The following ERMARD variants were observed in gnomAD, a reference collection of about 807,000 sequenced individuals.
ERMARD encodes ER membrane associated RNA degradation, also known as endoplasmic reticulum membrane-associated RNA degradation protein.
ERMARD carries 71 observed loss-of-function variants against 83.9 expected under a neutral mutation model. That is an observed-to-expected ratio of 0.85 (90% CI 0.70 to 1.03). The LOEUF (loss-of-function observed/expected upper bound fraction) is 1.03. Among genes scored for constraint, ERMARD ranks in the 50% least tolerant of loss-of-function variants. The probability of loss-of-function intolerance (pLI) is 0.00; values close to 1 mark genes in which losing one functional copy is unlikely to be tolerated. For missense variants in ERMARD, 838 were observed against 810.9 expected (o/e 1.03, Z -0.41); for synonymous variants, 284 against 298.6 (o/e 0.95, Z 0.50).
At position 169,760,684 on chromosome 6, in the gene ERMARD, T is replaced by G. The variant is rs768368057; in HGVS notation, c.785T>G (p.Met262Arg). The change falls in exon 8 of 18, where the codon ATG becomes AGG. Residue 262 changes from methionine to arginine, a missense_variant. Coordinates refer to ENST00000366773, the MANE Select transcript of ERMARD (RefSeq NM_018341.3). Reference protein sequence around the residue: ...EVLSVLEEVMMKSAFILKIML... With the variant: ...EVLSVLEEVMRKSAFILKIML... ...CTTTCAGTATTAGAAGAAGTGATGATGAAATCTGCTTTTATATTAAAAATC... is the reference window on the plus strand; with the variant it reads ...CTTTCAGTATTAGAAGAAGTGATGAGGAAATCTGCTTTTATATTAAAAATC... The G allele has an allele frequency of 1.2e-6, 2 of 1,613,846 alleles. No individual in the cohort carries two copies. The highest frequency in any genetic ancestry group is 1.7e-6 in the Non-Finnish European group (2 of 1,179,856).
Position 169,768,167 on chromosome 6 carries a change from C to T in ERMARD, c.1055C>T (p.Ala352Val). The T allele has an allele frequency of 6.2e-7, 1 of 1,613,566 alleles. No homozygotes were observed. Among genetic ancestry groups the T allele is most frequent in the South Asian group, 1.1e-5 (1 of 91,062 alleles). ...CTTCCTCTTTTCCTTGGAGAGCCTG[C>T]TATGGTAAGTATTAGGTATTTTCCA... is the stretch of plus-strand genomic sequence containing the variant. ...NQLPLFLGEP[A>V]MEFLWDFLNH... Residue 352 changes from alanine (A) to valine (V), a missense_variant, in exon 11 of 18, where the codon GCT (alanine) becomes GTT (valine). Physicochemically the swap from Ala to Val is moderately conservative, Grantham distance 64. Coordinates refer to ENST00000366773, the MANE Select transcript of ERMARD (RefSeq NM_018341.3).
At chr6:169,772,509 T>C (rs1793067257) in intron 12 of ERMARD, among the ~76,000 whole-genome samples, 1 of 152,148 alleles carries the variant, frequency 6.6e-6, no homozygotes, top group South Asian at 2.1e-4. Flanking sequence ...CTCACGCCTG[T>C]AATCCCAGCA....
At chr6:169,774,615 C>T (rs760838798) in intron 13 of ERMARD, among the ~76,000 whole-genome samples, 1 of 152,192 alleles carries the variant, frequency 6.6e-6, no homozygotes, top group Non-Finnish European at 1.5e-5. Context: ...GCTTTGCATC[C>T]TGGGCTTCCG....
chr6:169,754,891 C>T lies in ERMARD; in HGVS notation c.176-392C>T, dbSNP rs367589493. Among the ~76,000 whole-genome samples the T allele has an allele frequency of 2.8e-4, 42 of 151,536 alleles. No individual in the cohort carries two copies. The South Asian group carries it at 4.2e-3, about 15-fold the overall frequency. On this transcript the variant is annotated intron_variant, in intron 2 of 17. Transcript: ENST00000366773. ...AGAAATCTCAGCCTAATAACGTTAA[C>T]GTAAAAAAATCAGGTTACAAAATTG...
Position 169,756,806 on chromosome 6 carries a change from G to C in ERMARD, c.505G>C (p.Val169Leu), listed in dbSNP as rs781429204. 6.2e-7 allele frequency: 1 copy of C among 1,613,798 alleles called. No individual in the cohort carries two copies. The highest frequency in any genetic ancestry group is 8.5e-7 in the Non-Finnish European group (1 of 1,179,890). Residue 169 changes from valine (V) to leucine (L), a missense_variant and splice_region_variant, in exon 5 of 18, where the codon GTG becomes CTG. Transcript: ENST00000366773. ...EELAQVFSQS[V>L]MNVLKVFVGS... ...GCTTGCTCAAGTCTTCAGTCAGTCT[G>C]TGGTAAGCTTGTTCATCTAAACTCA...
intron 15 of ERMARD, 99 bp downstream of exon 15, chr6:169,776,164 T>C (rs1793569505): frequency 6.4e-7 from 1 of 1,558,732 alleles, no homozygotes; most frequent in Admixed American, 1.8e-5. Flanking sequence ...ATAAACTTGG[T>C]AGTAGTCTTA....
rs78586246 is a variant in ERMARD at position 169,755,612 on chromosome 6, G to A, written c.315+190G>A. ...GCCTGAGCTGAGAAACATGCCCCTT[G>A]GAACACAGGAAGGTTTTGAATTCAT... On this transcript the variant is annotated intron_variant, in intron 3 of 17. Transcript: ENST00000366773. 483 of 618,802 alleles carry A rather than the reference G, an allele frequency of 7.8e-4. 2 individuals carry two copies. In the African/African-American group the frequency reaches 7.9e-3, roughly 10 times the overall value. The allele number at this position is 618,802 out of a possible 1,614,324, so 38.3% of individuals were successfully genotyped here.
intron 4 of ERMARD, 102 bp from the exon 5 acceptor site, chr6:169,756,617 C>G: frequency 1.8e-6 from 2 of 1,090,804 alleles, no homozygotes; most frequent in Non-Finnish European, 1.4e-6. Flanking sequence ...TGTCTAAGTA[C>G]TTTTCACCCT....
rs1252873149 is a variant in ERMARD at position 169,775,336 on chromosome 6, C to G, written c.1384C>G (p.Gln462Glu). The change falls in exon 14 of 18, where the codon CAA becomes GAA. Residue 462 changes from glutamine (Q) to glutamate (E), a missense_variant. Transcript: ENST00000366773. ...GCCTTTCCCCGAAGAACTCACTCGGCAAGCCGTCAGGTGCGTGGCATCCTG... is the reference window on the plus strand; with the variant it reads ...GCCTTTCCCCGAAGAACTCACTCGGGAAGCCGTCAGGTGCGTGGCATCCTG... ...LLPFPEELTRQAVRLEDNSET... is the reference protein window; with the variant it reads ...LLPFPEELTREAVRLEDNSET... 2 of 1,613,994 alleles carry G rather than the reference C, an allele frequency of 1.2e-6. No individual in the cohort carries two copies. The highest frequency in any genetic ancestry group is 4.5e-5 in the East Asian group (2 of 44,896).
intron 13 of ERMARD, among the ~76,000 whole-genome samples, chr6:169,774,451 A>G (rs1793347188): frequency 6.6e-6 from 1 of 152,146 alleles, no homozygotes; most frequent in Non-Finnish European, 1.5e-5. Flanking sequence ...AGGAGGGAAG[A>G]TTTAGGAAGG....
At chr6:169,768,534 GAT>G (rs1212692610) in intron 11 of ERMARD, among the ~76,000 whole-genome samples, 2 of 152,150 alleles carry the variant, frequency 1.3e-5, no homozygotes, top group Non-Finnish European at 2.9e-5. Context: ...AAGGCGGGCA[GAT>G]CACAAGGTCA....
rs553210171 is a variant in ERMARD, at chr6:169,751,965, G to C, written c.6+302G>C. On this transcript the variant is annotated intron_variant, in intron 1 of 17. Coordinates refer to ENST00000366773, the MANE Select transcript of ERMARD (RefSeq NM_018341.3). ...CAGGGAGGGCTGTGCGCGGTGGCGC[G>C]GGGGCGGAAAGCCGCAGGTCGGGCT... 67 of 433,276 alleles carry C rather than the reference G, an allele frequency of 1.5e-4. 2 individuals carry two copies. The South Asian group carries it at 3.3e-3, about 21-fold the overall frequency. The allele number at this position is 433,276 out of a possible 1,614,324, so 26.8% of individuals were successfully genotyped here. A position where few individuals can be genotyped will look rare whatever the true frequency, so the allele number is the denominator to read the frequency against.
chr6:169,761,890 T>G (rs952521262), intron 8 of ERMARD, among the ~76,000 whole-genome samples: 2 of 152,006 alleles, frequency 1.3e-5, no homozygotes, highest in East Asian at 3.9e-4. Context: ...GTCACATTGG[T>G]CAGGCTGGTC....
Position 169,776,033 on chromosome 6 carries a change from G to A in ERMARD, c.1488G>A (p.Val496=). The change falls in exon 15 of 18, where the codon GTG becomes GTA. Residue 496 remains valine, a synonymous_variant. Coordinates refer to ENST00000366773, the MANE Select transcript of ERMARD (RefSeq NM_018341.3). ...LYHHMPENRC[V]LKDLDRLPTE... ...ACCATATGCCTGAGAATCGTTGTGT[G>A]TTAAAGGACTTGGATCGTCTTCCTA... is the stretch of plus-strand genomic sequence containing the variant. 1 of 1,614,142 alleles carries A rather than the reference G, an allele frequency of 6.2e-7. No homozygotes were observed. Among genetic ancestry groups the A allele is most frequent in the South Asian group, 1.1e-5 (1 of 91,026 alleles).
At chr6:169,760,121 T>G in intron 7 of ERMARD, 147 bp downstream of exon 7, 1 of 1,432,042 alleles carries the variant, frequency 7.0e-7, no homozygotes, top group Non-Finnish European at 9.2e-7. Context: ...TTGAAGAACC[T>G]CCTACATTTT....
Position 169,758,982 on chromosome 6 carries a change from A to G in ERMARD, c.522A>G (p.Lys174=). The G allele has an allele frequency of 6.2e-7, 1 of 1,613,924 alleles. No individual in the cohort carries two copies. The highest frequency in any genetic ancestry group is 2.2e-5 in the East Asian group (1 of 44,888). The change falls in exon 6 of 18, where the codon AAA becomes AAG. Residue 174 remains lysine (K), a synonymous_variant. Coordinates refer to ENST00000366773, the MANE Select transcript of ERMARD (RefSeq NM_018341.3). ...VFSQSVMNVL[K]VFVGSPCGLN... is the part of the protein sequence containing the mutation. ...TTGCGGATTAGATGAATGTGCTAAA[A>G]GTCTTCGTTGGCTCTCCGTGTGGTC...
intron 12 of ERMARD, among the ~76,000 whole-genome samples, chr6:169,772,611 T>TA (rs899702246): frequency 2.0e-5 from 3 of 150,602 alleles, no homozygotes; most frequent in African/African-American, 4.9e-5. Context: ...TACTAAAAAA[T>TA]AAAAAAAAAT....
chr6:169,756,807 T>C lies in ERMARD; in HGVS notation c.506T>C (p.Val169Ala), dbSNP rs746169572. 6.2e-7 allele frequency: 1 copy of C among 1,613,810 alleles called. No homozygotes were observed. The highest frequency in any genetic ancestry group is 8.5e-7 in the Non-Finnish European group (1 of 1,179,886). ...CTTGCTCAAGTCTTCAGTCAGTCTG[T>C]GGTAAGCTTGTTCATCTAAACTCAT... Reference protein sequence around the residue: ...EELAQVFSQSVMNVLKVFVGS... With the variant: ...EELAQVFSQSAMNVLKVFVGS... The change falls in exon 5 of 18, where the codon GTG (valine) becomes GCG (alanine). Residue 169 changes from valine to alanine, a missense_variant and splice_region_variant. Transcript: ENST00000366773.
chr6:169,781,373 T>C lies in ERMARD; in HGVS notation c.1897T>C (p.Tyr633His), dbSNP rs1187367904. The change falls in exon 18 of 18, where the codon TAC (tyrosine) becomes CAC (histidine). Residue 633 changes from tyrosine (Y) to histidine (H), a missense_variant. Physicochemically the swap from Tyr to His is moderately conservative, Grantham distance 83 (BLOSUM62 2). Transcript: ENST00000366773. ...GCAGTACACGGAGAACCTGGTGGCTTACACCAGTTACGAAAAGAACAAGTG... is the reference window on the plus strand; with the variant it reads ...GCAGTACACGGAGAACCTGGTGGCTCACACCAGTTACGAAAAGAACAAGTG... ...ILQYTENLVAYTSYEKNKWNE... is the reference protein window; with the variant it reads ...ILQYTENLVAHTSYEKNKWNE... The C allele has an allele frequency of 6.2e-7, 1 of 1,612,554 alleles. No homozygotes were observed. Among genetic ancestry groups the C allele is most frequent in the African/African-American group, 1.3e-5 (1 of 74,910 alleles).
Sources: allele counts gnomAD v4.1 joint callset (sites outside exome capture counted in the v4.1 genomes callset), GRCh38; gene constraint gnomAD v4.1.1; transcripts MANE v1.5; gene names NCBI Gene and HGNC (gene_info 2026-07-23, HGNC 2026-07-21).